Variants in TRA2B observed in about 807,000 individuals in gnomAD.
TRA2B encodes the protein transformer-2 protein homolog beta.
In TRA2B, 14 loss-of-function variants were observed where a neutral mutation model predicts 41.7. The observed-to-expected ratio is 0.34, with a 90% CI of 0.22 to 0.53. The LOEUF is 0.53. Among genes scored for constraint, TRA2B ranks in the 20% least tolerant of loss-of-function variants. The pLI is 0.95. For missense variants in TRA2B, 167 were observed against 396.8 expected (o/e 0.42, Z 4.92); for synonymous variants, 130 against 128.8 (o/e 1.01, Z -0.06).
At chr3:185,932,060 A>G (rs1744168455) in intron 1 of TRA2B, among the ~76,000 whole-genome samples, 1 of 152,134 alleles carries the variant, frequency 6.6e-6, no homozygotes, top group Non-Finnish European at 1.5e-5. Context: ...CTCTACTCCA[A>G]ATAGACTTAT....
At chr3:185,926,949 C>G in intron 1 of TRA2B, 1 of 530,240 alleles carries the variant, frequency 1.9e-6, no homozygotes, top group East Asian at 4.0e-5. Flanking sequence ...CTTTTTGGAG[C>G]AGGGATAAGA....
chr3:185,919,960 ATACT>A (rs567180801), intron 6 of TRA2B, among the ~76,000 whole-genome samples: 3 of 152,240 alleles, frequency 2.0e-5, no homozygotes, highest in Non-Finnish European at 2.9e-5. Context: ...ACTGTGGTCA[ATACT>A]TACTAACTAC....
chr3:185,915,973 C>G lies in TRA2B; in HGVS notation c.*1742G>C, dbSNP rs1218430020. The G allele has an allele frequency of 6.6e-6, 1 of 152,160 alleles. No individual in the cohort carries two copies. Among genetic ancestry groups the G allele is most frequent in the East Asian group, 1.9e-4 (1 of 5,206 alleles). The allele number at this position is 152,160 out of a possible 1,614,324, so 9.4% of individuals were successfully genotyped here. Reference sequence around the variant, plus strand: ...CCCTCTGGGACCACACCCTAAAACTCAACTTTATATATAAATACTACAAAT... The same window carrying G: ...CCCTCTGGGACCACACCCTAAAACTGAACTTTATATATAAATACTACAAAT... On this transcript the variant is annotated 3_prime_UTR_variant, in exon 9 of 9. Coordinates refer to ENST00000453386, the MANE Select transcript of TRA2B (RefSeq NM_004593.3).
chr3:185,930,713 C>CTT (rs1744118352), intron 1 of TRA2B, among the ~76,000 whole-genome samples: 1 of 152,162 alleles, frequency 6.6e-6, no homozygotes, highest in African/African-American at 2.4e-5. Flanking sequence ...GAAGGGACAG[C>CTT]TTTTGGGTTG....
rs1344957064 is a variant in TRA2B at position 185,922,034 on chromosome 3, T to C, written c.615A>G (p.Gly205=). Residue 205 remains glycine, a synonymous_variant, in exon 5 of 9, where the codon GGA becomes GGG. Coordinates refer to ENST00000453386, the MANE Select transcript of TRA2B (RefSeq NM_004593.3). ...ITKRPHTPTP[G]IYMGRPTYGS... Reference sequence around the variant, plus strand: ...ACTAGGTAGGTCTCCCCATGTAAATTCCTGGTGTTGGCGTATGTGGTCTTT... The same window carrying C: ...ACTAGGTAGGTCTCCCCATGTAAATCCCTGGTGTTGGCGTATGTGGTCTTT... The C allele has an allele frequency of 6.2e-7, 1 of 1,613,284 alleles. No homozygotes were observed. Among genetic ancestry groups the C allele is most frequent in the East Asian group, 2.2e-5 (1 of 44,848 alleles).
intron 3 of TRA2B, 127 bp downstream of exon 3, chr3:185,925,337 C>A: frequency 8.9e-7 from 1 of 1,127,574 alleles, no homozygotes; most frequent in Admixed American, 2.9e-5. Context: ...TCTCAAAACA[C>A]TAAAAAAGCC....
At chr3:185,920,019 A>G (rs1028654034) in intron 6 of TRA2B, among the ~76,000 whole-genome samples, 6 of 152,198 alleles carry the variant, frequency 3.9e-5, no homozygotes, top group African/African-American at 1.4e-4. Flanking sequence ...GGGAGGACCA[A>G]AATGTCACAA....
In TRA2B at chr3:185,917,645, G is replaced by A. The variant is rs1743550242; in HGVS notation, c.*70C>T. On this transcript the variant is annotated 3_prime_UTR_variant, in exon 9 of 9. Transcript: ENST00000453386. ...TAGGCACTGTTCACTTTTTAAACAA[G>A]AGACAATAAAAAATATTGCCCACAA... 1 of 1,559,100 alleles carries A rather than the reference G, an allele frequency of 6.4e-7. No individual in the cohort carries two copies. Among genetic ancestry groups the A allele is most frequent in the Non-Finnish European group, 8.8e-7 (1 of 1,135,160 alleles).
At chr3:185,925,738 A>G (rs1743922529) in intron 2 of TRA2B, 112 bp from the exon 3 acceptor site, 12 of 1,071,586 alleles carry the variant, frequency 1.1e-5, no homozygotes, top group Non-Finnish European at 1.4e-5. Context: ...ATATGCTAAC[A>G]TGGTTACCAA....
intron 5 of TRA2B, 95 bp downstream of exon 5, chr3:185,921,916 G>T: frequency 2.4e-6 from 2 of 817,892 alleles, no homozygotes; most frequent in South Asian, 2.0e-5. Flanking sequence ...CAAGTTTATG[G>T]CACAAACCTA....
At chr3:185,919,877 GT>G (rs1459891293) in intron 6 of TRA2B, among the ~76,000 whole-genome samples, 1 of 152,038 alleles carries the variant, frequency 6.6e-6, no homozygotes, top group Non-Finnish European at 1.5e-5. Flanking sequence ...ACTGACAACT[GT>G]TAACTTCTTA....
chr3:185,929,934 A>G (rs1005964807), intron 1 of TRA2B, among the ~76,000 whole-genome samples: 2 of 152,126 alleles, frequency 1.3e-5, no homozygotes, highest in Non-Finnish European at 2.9e-5. Flanking sequence ...CTTAGCATTA[A>G]TCAGACCTCT....
chr3:185,920,744 G>C (rs1410990952), intron 6 of TRA2B, among the ~76,000 whole-genome samples: 1 of 152,106 alleles, frequency 6.6e-6, no homozygotes, highest in Non-Finnish European at 1.5e-5. Flanking sequence ...GGTTCACCAT[G>C]TTGGCCAGGC....
chr3:185,925,670 T>C (rs1447030996), intron 2 of TRA2B, 44 bp from the exon 3 acceptor site: 11 of 1,570,866 alleles, frequency 7.0e-6, no homozygotes, highest in South Asian at 2.4e-5. Flanking sequence ...AAAACAAATA[T>C]TGTCTTCTTT....
At chr3:185,928,392 A>G (rs900784165) in intron 1 of TRA2B, 13 of 152,314 alleles carry the variant, frequency 8.5e-5, no homozygotes, top group Non-Finnish European at 1.3e-4. Flanking sequence ...ACCTCCCTCC[A>G]TGACTGACTG....
At position 185,918,438 on chromosome 3, in the gene TRA2B, T is replaced by C. The variant is rs1442841839; in HGVS notation, c.783A>G (p.Arg261=). The C allele has an allele frequency of 1.2e-6, 2 of 1,610,712 alleles. No homozygotes were observed. The highest frequency in any genetic ancestry group is 1.7e-6 in the Non-Finnish European group (2 of 1,177,416). Residue 261 remains arginine (R), a splice_region_variant and synonymous_variant, in exon 8 of 9, where the codon AGA becomes AGG. Transcript: ENST00000453386. ...TATAGTAAGGAGAAGGTGACCGCCTTCTATAAACAAATGTCAAGATTGTCT... is the reference window on the plus strand; with the variant it reads ...TATAGTAAGGAGAAGGTGACCGCCTCCTATAAACAAATGTCAAGATTGTCT... ...RAAQDRDQIY[R]RRSPSPYYSR...
intron 6 of TRA2B, 55 bp from the exon 7 acceptor site, chr3:185,919,551 TTA>T: frequency 6.9e-7 from 1 of 1,456,186 alleles, no homozygotes; most frequent in Non-Finnish European, 9.5e-7. Context: ...TTTTAAAAAA[TTA>T]TGTCATTCAT....
At chr3:185,918,742 T>C (rs1246984295) in intron 7 of TRA2B, among the ~76,000 whole-genome samples, 1 of 152,248 alleles carries the variant, frequency 6.6e-6, no homozygotes, top group East Asian at 1.9e-4. Context: ...GTGCGGTGGC[T>C]CAACGCCTAT....
At chr3:185,937,096 A>G in intron 1 of TRA2B, 1 of 985,466 alleles carries the variant, frequency 1.0e-6, no homozygotes, top group Non-Finnish European at 1.2e-6. Flanking sequence ...GTCTGTCCTA[A>G]TAGAATACTG....
Sources: gnomAD v4.1 joint callset for allele counts (sites outside exome capture counted in the v4.1 genomes callset) on GRCh38, gnomAD v4.1.1 for gene constraint, MANE v1.5 for transcripts, NCBI Gene and HGNC (gene_info 2026-07-23, HGNC 2026-07-21) for gene names.